MACROD2: variants seen among roughly 807,000 people sequenced by gnomAD.
MACROD2 encodes the protein mono-ADP ribosylhydrolase 2.
Under a neutral mutation model 70.4 loss-of-function variants are expected in MACROD2, and 36 were observed. The observed-to-expected ratio is 0.51, with a 90% CI of 0.39 to 0.68. The LOEUF is 0.68. Among genes scored for constraint, MACROD2 ranks in the 30% least tolerant of loss-of-function variants. The pLI, the probability that MACROD2 is intolerant of heterozygous loss-of-function variation, is 0.00. For synonymous variants in MACROD2, 172 were observed against 178.8 expected, an observed-to-expected ratio of 0.96 and a Z score of 0.30; for missense variants, 496 against 538.4, an observed-to-expected ratio of 0.92 and a Z score of 0.78.
Position 16,049,737 on chromosome 20 carries a change from A to G in MACROD2, c.1301-93A>G, listed in dbSNP as rs1382857241. The G allele has an allele frequency of 2.3e-6, 3 of 1,288,250 alleles. No individual in the cohort carries two copies. In the East Asian group the frequency reaches 7.1e-5, roughly 31 times the overall value. The allele number at this position is 1,288,250 out of a possible 1,614,324, so 79.8% of individuals were successfully genotyped here. On this transcript the variant is annotated intron_variant, in intron 17 of 17. Transcript: ENST00000684519. Reference sequence around the variant, plus strand: ...TCTGGGCCTATGTGAGGGGTGAGAGACATTTAAATGGCTGTATTAAAAATG... The same window carrying G: ...TCTGGGCCTATGTGAGGGGTGAGAGGCATTTAAATGGCTGTATTAAAAATG...
At chr20:15,203,819 T>G (rs2076678024) in intron 5 of MACROD2, among the ~76,000 whole-genome samples, 1 of 152,110 alleles carries the variant, frequency 6.6e-6, no homozygotes, top group Non-Finnish European at 1.5e-5. Flanking sequence ...CTCACTGAAC[T>G]TTTAAAAATC....
At chr20:14,268,588 G>T (rs2082164202) in intron 3 of MACROD2, among the ~76,000 whole-genome samples, 1 of 151,994 alleles carries the variant, frequency 6.6e-6, no homozygotes, top group Non-Finnish European at 1.5e-5. Context: ...CATAGGTTAT[G>T]CTCTATAAAC....
intron 5 of MACROD2, among the ~76,000 whole-genome samples, chr20:15,134,037 G>A (rs2076126845): frequency 6.7e-6 from 1 of 149,586 alleles, no homozygotes; most frequent in South Asian, 2.1e-4. Context: ...CTCCCGCGTA[G>A]CTGGGAATAC....
chr20:15,000,253 T>G (rs74501794), intron 5 of MACROD2, among the ~76,000 whole-genome samples: 1 of 152,062 alleles, frequency 6.6e-6, no homozygotes, highest in East Asian at 1.9e-4. Context: ...AACAAACAAA[T>G]AAAATCTATT....
intron 5 of MACROD2, among the ~76,000 whole-genome samples, chr20:15,066,109 T>TGC (rs2075572318): frequency 7.1e-6 from 1 of 141,600 alleles, no homozygotes; most frequent in African/African-American, 2.5e-5. Context: ...AAGAGCTGCT[T>TGC]TCTTTTTTTT....
intron 3 of MACROD2, among the ~76,000 whole-genome samples, chr20:14,107,441 C>T (rs530217940): frequency 2.6e-4 from 40 of 151,824 alleles, no homozygotes; most frequent in Middle Eastern, 3.4e-3. Flanking sequence ...AGAGTATTGG[C>T]CATGAAGAGG....
intron 1 of MACROD2, among the ~76,000 whole-genome samples, chr20:13,999,741 A>C (rs937505212): frequency 1.3e-5 from 2 of 152,240 alleles, no homozygotes; most frequent in African/African-American, 4.8e-5. Flanking sequence ...TGCACCATTT[A>C]GATTACAACT....
At chr20:15,140,976 T>C (rs2145846781) in intron 5 of MACROD2, among the ~76,000 whole-genome samples, 1 of 152,328 alleles carries the variant, frequency 6.6e-6, no homozygotes, top group South Asian at 2.1e-4. Flanking sequence ...ACTGTTCACA[T>C]CCATCCAGAT....
chr20:15,019,582 A>C (rs1410761740), intron 5 of MACROD2, among the ~76,000 whole-genome samples: 1 of 152,202 alleles, frequency 6.6e-6, no homozygotes, highest in Non-Finnish European at 1.5e-5. Flanking sequence ...TCCTTTTTTA[A>C]TGTCCAAGGG....
intron 3 of MACROD2, among the ~76,000 whole-genome samples, chr20:14,380,284 T>C (rs985570240): frequency 6.6e-6 from 1 of 152,276 alleles, no homozygotes; most frequent in East Asian, 1.9e-4. Flanking sequence ...CTTTGCCCAT[T>C]TTTTAGTTGG....
In MACROD2 at chr20:14,806,510, G is replaced by A. The variant is rs566216324; in HGVS notation, c.418+121551G>A. ...CTGGGTTTCAAGCCCTAAACTGGGC[G>A]GCTGTTTGGGCACACATCAAGCTAG... On this transcript the variant is annotated intron_variant, in intron 5 of 17. Coordinates refer to ENST00000684519, the MANE Select transcript of MACROD2 (RefSeq NM_001351661.2). Among the ~76,000 whole-genome samples the A allele has an allele frequency of 5.9e-5, 9 of 152,094 alleles. 1 individual carries two copies. The highest frequency in any genetic ancestry group is 3.9e-4 in the East Asian group (2 of 5,164).
intron 5 of MACROD2, among the ~76,000 whole-genome samples, chr20:14,768,977 T>A (rs973894278): frequency 6.6e-6 from 1 of 152,112 alleles, no homozygotes; most frequent in African/African-American, 2.4e-5. Flanking sequence ...TGAGTTTGAT[T>A]GAGACCAGGA....
In MACROD2 at chr20:15,271,969, A is replaced by C. The variant is rs60493583; in HGVS notation, c.540+41908A>C. On this transcript the variant is annotated intron_variant, in intron 6 of 17. Transcript: ENST00000684519. ...TCTCTTCCCACTTCACCCACTCCTAACATTTATAATAAAGCATTGCCTAAC... is the reference window on the plus strand; with the variant it reads ...TCTCTTCCCACTTCACCCACTCCTACCATTTATAATAAAGCATTGCCTAAC... 8.5e-4 allele frequency among the ~76,000 whole-genome samples: 129 copies of C among 152,322 alleles called. 1 individual carries two copies. The highest frequency in any genetic ancestry group is 3.0e-3 in the African/African-American group (124 of 41,578).
chr20:14,430,106 G>A (rs1414373045), intron 3 of MACROD2, among the ~76,000 whole-genome samples: 1 of 152,162 alleles, frequency 6.6e-6, no homozygotes, highest in Non-Finnish European at 1.5e-5. Flanking sequence ...ATCAAGTTGT[G>A]CAGATTAAGT....
At chr20:15,017,540 A>C (rs900495069) in intron 5 of MACROD2, among the ~76,000 whole-genome samples, 1 of 152,142 alleles carries the variant, frequency 6.6e-6, no homozygotes, top group Non-Finnish European at 1.5e-5. Context: ...TCACAGCTCC[A>C]CTAGGCGGTA....
intron 6 of MACROD2, among the ~76,000 whole-genome samples, chr20:15,416,226 C>G (rs1006355785): frequency 6.6e-6 from 1 of 152,202 alleles, no homozygotes; most frequent in Non-Finnish European, 1.5e-5. Context: ...TTTCAGGCCA[C>G]GAGTAGCAAT....
intron 10 of MACROD2, among the ~76,000 whole-genome samples, chr20:15,899,571 G>A (rs1568626968): frequency 1.3e-5 from 2 of 152,164 alleles, no homozygotes; most frequent in African/African-American, 4.8e-5. Context: ...ATGTTGCTAA[G>A]TTCAGTAGCA....
At chr20:15,542,055 A>G (rs2047964355) in intron 8 of MACROD2, among the ~76,000 whole-genome samples, 1 of 152,212 alleles carries the variant, frequency 6.6e-6, no homozygotes. Flanking sequence ...TGTACAATGC[A>G]TGCAGGTGAC....
At chr20:14,753,713 C>A (rs1029024563) in intron 5 of MACROD2, among the ~76,000 whole-genome samples, 1 of 152,164 alleles carries the variant, frequency 6.6e-6, no homozygotes, top group African/African-American at 2.4e-5. Flanking sequence ...AGAAAGTTAT[C>A]GCTAGGCAGT....
Sources: gnomAD v4.1 joint callset for allele counts (sites outside exome capture counted in the v4.1 genomes callset) on GRCh38, gnomAD v4.1.1 for gene constraint, MANE v1.5 for transcripts, NCBI Gene and HGNC (gene_info 2026-07-23, HGNC 2026-07-21) for gene names.